The following ZNF195 variants were observed in gnomAD, a reference collection of about 807,000 sequenced individuals.
ZNF195 encodes the protein hypoxia-regulated factor-1.
ZNF195 carries 11 observed loss-of-function variants against 19.5 expected under a neutral mutation model. The observed-to-expected ratio is 0.57, with a 90% CI of 0.36 to 0.94. The LOEUF is 0.94. Among genes scored for constraint, ZNF195 ranks in the 40% least tolerant of loss-of-function variants. The pLI is 0.01. For synonymous variants in ZNF195, 214 were observed against 248.1 expected, an observed-to-expected ratio of 0.86 and a Z score of 1.29; for missense variants, 582 against 709.0, an observed-to-expected ratio of 0.82 and a Z score of 2.03.
At chr11:3,362,270 A>G (rs147586438) in intron 3 of ZNF195, among the ~76,000 whole-genome samples, 16 of 152,356 alleles carry the variant, frequency 1.1e-4, no homozygotes, top group African/African-American at 3.8e-4. Flanking sequence ...ATGCGATGCT[A>G]TAAAATAATA....
intron 2 of ZNF195, among the ~76,000 whole-genome samples, 177 bp downstream of exon 2, chr11:3,371,400 T>C (rs1414539139): frequency 1.4e-5 from 2 of 140,946 alleles, no homozygotes. Context: ...TATGTCAAGA[T>C]GAACCACATT....
intron 1 of ZNF195, chr11:3,378,027 A>G (rs1413434690): frequency 1.2e-6 from 1 of 804,962 alleles, no homozygotes; most frequent in Non-Finnish European, 1.5e-6. Flanking sequence ...AGTGCCGTCC[A>G]GGCTGGGCGC....
At chr11:3,369,551 C>G (rs1438801589) in intron 3 of ZNF195, 1 of 436,774 alleles carries the variant, frequency 2.3e-6, no homozygotes, top group African/African-American at 2.0e-5. Context: ...GAATATTACT[C>G]AGCCATAAAA....
At position 3,359,221 on chromosome 11, in the gene ZNF195, T is replaced by G. The variant is rs1848510062; in HGVS notation, c.1787A>C (p.His596Pro). The G allele has an allele frequency of 6.2e-7, 1 of 1,614,168 alleles. No individual in the cohort carries two copies. Among genetic ancestry groups the G allele is most frequent in the South Asian group, 1.1e-5 (1 of 91,072 alleles). Residue 596 changes from histidine to proline, a missense_variant, in exon 6 of 6, where the codon CAT (histidine) becomes CCT (proline). Physicochemically the swap from His to Pro is moderately conservative, Grantham distance 77 (BLOSUM62 -2). Transcript: ENST00000399602. This position sits in a 1 kb window ranked among gnomAD's most constrained non-coding sequence, Gnocchi z 5.5. ...TTTCTCTCCAGTATGAATTCTCTTA[T>G]GTACAATAAGGTTTGAGGACTGGGT... The part of the protein sequence containing the change: ...NFTQSSNLIV[H>P]KRIHTGEKPY...
rs1848510267 is a variant in ZNF195 at position 3,359,223 on chromosome 11, T to A, written c.1785A>T (p.Val595=). 1 of 1,614,036 alleles carries A rather than the reference T, an allele frequency of 6.2e-7. No homozygotes were observed. The highest frequency in any genetic ancestry group is 1.7e-5 in the Admixed American group (1 of 59,994). ...KNFTQSSNLI[V]HKRIHTGEKP... The stretch of plus-strand genomic sequence containing the variant: ...TCTCTCCAGTATGAATTCTCTTATG[T>A]ACAATAAGGTTTGAGGACTGGGTAA... The change falls in exon 6 of 6, where the codon GTA becomes GTT. Residue 595 remains valine (V), a synonymous_variant. Transcript: ENST00000399602. The surrounding 1 kb of genome is among the most constrained non-coding windows in gnomAD (Gnocchi z 5.5).
intron 1 of ZNF195, 80 bp downstream of exon 1, chr11:3,378,958 G>C: frequency 7.6e-7 from 1 of 1,318,430 alleles, no homozygotes; most frequent in Non-Finnish European, 9.8e-7. Flanking sequence ...CACCCGGGCA[G>C]CCCGGTTCCT....
Position 3,371,647 on chromosome 11 carries a change from G to A in ZNF195, c.60C>T (p.Cys20=), listed in dbSNP as rs759884065. ...ACAAATTCTGCTGAGCGAGGTCCAG[G>A]CATTTCCACTCCTCCAGGGAGAATT... is the stretch of plus-strand genomic sequence containing the variant. ...AIEFSLEEWK[C]LDLAQQNLYR... is the part of the protein sequence containing the mutation. Residue 20 remains cysteine, a synonymous_variant, in exon 2 of 6, where the codon TGC becomes TGT. Coordinates refer to ENST00000399602, the MANE Select transcript of ZNF195 (RefSeq NM_001130520.3). 15 of 1,613,894 alleles carry A rather than the reference G, an allele frequency of 9.3e-6. No individual in the cohort carries two copies. The Admixed American group carries it at 2.5e-4, about 27-fold the overall frequency.
chr11:3,362,997 A>G (rs1848705851), intron 3 of ZNF195, among the ~76,000 whole-genome samples: 1 of 152,224 alleles, frequency 6.6e-6, no homozygotes, highest in African/African-American at 2.4e-5. Flanking sequence ...CCTAAAACAT[A>G]CTTTAAGTCA....
In ZNF195 at chr11:3,364,239, T is replaced by A. The variant is rs547982529; in HGVS notation, c.227-2350A>T. Among the ~76,000 whole-genome samples the A allele has an allele frequency of 9.2e-5, 14 of 152,218 alleles. No individual in the cohort carries two copies. In the South Asian group the frequency reaches 2.3e-3, roughly 25 times the overall value. The stretch of plus-strand genomic sequence containing the variant: ...CTTTGGGTGGGCCAAGGCAGGAGGG[T>A]TGCTTGAGGTCAGGAGTTAGGAATT... On this transcript the variant is annotated intron_variant, in intron 3 of 5. Coordinates refer to ENST00000399602, the MANE Select transcript of ZNF195 (RefSeq NM_001130520.3).
intron 1 of ZNF195, chr11:3,373,446 A>G (rs1215121034): frequency 4.2e-6 from 3 of 722,802 alleles, no homozygotes; most frequent in Non-Finnish European, 7.2e-6. Flanking sequence ...TTATTATAAG[A>G]AAAAAAAGTA....
At chr11:3,369,961 A>G (rs1298001160) in intron 3 of ZNF195, among the ~76,000 whole-genome samples, 2 of 152,244 alleles carry the variant, frequency 1.3e-5, no homozygotes, top group Non-Finnish European at 2.9e-5. Flanking sequence ...GTATACACAT[A>G]TCAAATTATT....
chr11:3,377,945 T>C (rs979542181), intron 1 of ZNF195: 2 of 977,326 alleles, frequency 2.0e-6, no homozygotes, highest in African/African-American at 1.8e-5. Context: ...CTTTTTACAA[T>C]AGCGTCAGGG....
chr11:3,377,839 C>G (rs1849540485), intron 1 of ZNF195: 1 of 988,534 alleles, frequency 1.0e-6, no homozygotes, highest in Non-Finnish European at 1.2e-6. Flanking sequence ...GAGAGCAAAT[C>G]ACCCTGTCAA....
At chr11:3,377,775 C>T in intron 1 of ZNF195, 1 of 1,022,196 alleles carries the variant, frequency 9.8e-7, no homozygotes, top group Non-Finnish European at 1.2e-6. Flanking sequence ...TGGTGGGCAT[C>T]CTGTGTTATC....
chr11:3,367,102 A>G (rs1167928626), intron 3 of ZNF195: 2 of 326,198 alleles, frequency 6.1e-6, no homozygotes, highest in Non-Finnish European at 1.2e-5. Flanking sequence ...TAAAAAAATT[A>G]AAAATGGAAT....
At chr11:3,365,605 C>G (rs1848840098) in intron 3 of ZNF195, among the ~76,000 whole-genome samples, 1 of 152,206 alleles carries the variant, frequency 6.6e-6, no homozygotes, top group South Asian at 2.1e-4. Context: ...ATCAAATTCC[C>G]AAAGCTACTT....
chr11:3,376,282 C>T (rs1849457405), intron 1 of ZNF195, among the ~76,000 whole-genome samples: 1 of 151,904 alleles, frequency 6.6e-6, no homozygotes, highest in Non-Finnish European at 1.5e-5. Context: ...CCGATCTTGG[C>T]TTCCCTGGGC....
At chr11:3,366,205 A>G (rs1033097165) in intron 3 of ZNF195, among the ~76,000 whole-genome samples, 13 of 143,938 alleles carry the variant, frequency 9.0e-5, no homozygotes, top group Non-Finnish European at 1.4e-4. Flanking sequence ...CAGAGCTTGC[A>G]GTGAGCAGAG....
Position 3,359,155 on chromosome 11 carries a change from A to G in ZNF195, c.1853T>C (p.Phe618Ser), listed in dbSNP as rs1848506957. Residue 618 changes from phenylalanine (F) to serine (S), a missense_variant, in exon 6 of 6, where the codon TTC (phenylalanine) becomes TCC (serine). This residue lies in a region of ZNF195 where 407 missense variants were observed against 530.5 expected (regional missense o/e 0.77). Coordinates refer to ENST00000399602, the MANE Select transcript of ZNF195 (RefSeq NM_001130520.3). The surrounding 1 kb of genome is among the most constrained non-coding windows in gnomAD (Gnocchi z 5.5). ...GCTTTCATGTACAGTCAGGTGTGAG[A>G]ACTGGGTGAAGGCTTTGCCACACTT... ...CEKCGKAFTQ[F>S]SHLTVHESIH... 1 of 1,601,782 alleles carries G rather than the reference A, an allele frequency of 6.2e-7. No homozygotes were observed. Among genetic ancestry groups the G allele is most frequent in the Admixed American group, 1.7e-5 (1 of 57,438 alleles).
Sources: allele counts gnomAD v4.1 joint callset (sites outside exome capture counted in the v4.1 genomes callset), GRCh38; gene constraint gnomAD v4.1.1; regional missense constraint gnomAD v4.1.1; non-coding constraint Gnocchi (gnomAD v3.1); transcripts MANE v1.5; gene names NCBI Gene and HGNC (gene_info 2026-07-23, HGNC 2026-07-21).